Variants in SRBD1 observed in about 807,000 individuals in gnomAD.
The protein encoded by SRBD1 is S1 RNA-binding domain-containing protein 1.
Under a neutral mutation model 115.3 loss-of-function variants are expected in SRBD1, and 88 were observed. The observed-to-expected ratio is 0.76, with a 90% CI of 0.64 to 0.91. The LOEUF (loss-of-function observed/expected upper bound fraction) is 0.91, where lower values mean the gene tolerates loss of function less well. SRBD1 is among the 40% of genes least tolerant of loss of function. SRBD1 has a pLI of 0.00. For synonymous variants in SRBD1, 509 were observed against 407.7 expected (o/e 1.25, Z -2.99); for missense variants, 1,385 against 1,177.4 (o/e 1.18, Z -2.58).
At chr2:45,522,394 T>C (rs1671313715) in intron 14 of SRBD1, among the ~76,000 whole-genome samples, 1 of 152,126 alleles carries the variant, frequency 6.6e-6, no homozygotes, top group Admixed American at 6.6e-5. Flanking sequence ...CGAGAGCTAA[T>C]CTAGAGCTCC....
In SRBD1 at chr2:45,547,533, C is replaced by T. The variant is rs749966768; in HGVS notation, c.1755G>A (p.Leu585=). 34 of 1,613,504 alleles carry T rather than the reference C, an allele frequency of 2.1e-5. No homozygotes were observed. The South Asian group carries it at 3.7e-4, about 18-fold the overall frequency. The change falls in exon 13 of 21, where the codon TTG becomes TTA. Residue 585 remains leucine (L), a synonymous_variant. Coordinates refer to ENST00000263736, the MANE Select transcript of SRBD1 (RefSeq NM_018079.5). ...FREAEKIKTL[L]LNFNCSTVVI... ...ACTTATTTTCATACTTGAAATTCAGCAAAAGTGTCTTTATTTTCTCCGCCT... is the reference window on the plus strand; with the variant it reads ...ACTTATTTTCATACTTGAAATTCAGTAAAAGTGTCTTTATTTTCTCCGCCT...
At chr2:45,586,369 A>G (rs1572809892) in intron 4 of SRBD1, among the ~76,000 whole-genome samples, 1 of 152,298 alleles carries the variant, frequency 6.6e-6, no homozygotes, top group East Asian at 1.9e-4. Context: ...ACTAAATACC[A>G]TGCAAGCATT....
At chr2:45,526,031 C>T (rs115056453) in intron 14 of SRBD1, among the ~76,000 whole-genome samples, 102 of 152,056 alleles carry the variant, frequency 6.7e-4, no homozygotes, top group African/African-American at 2.2e-3. Context: ...CAGAAGAGTG[C>T]CACCACTTTG....
chr2:45,405,028 T>C (rs1478265313), intron 19 of SRBD1, among the ~76,000 whole-genome samples: 2 of 152,176 alleles, frequency 1.3e-5, no homozygotes, highest in Non-Finnish European at 2.9e-5. Context: ...CTGCGATGAC[T>C]ACCCTACTTA....
chr2:45,414,693 C>T (rs1008966839), intron 18 of SRBD1, among the ~76,000 whole-genome samples: 1 of 145,596 alleles, frequency 6.9e-6, no homozygotes, highest in East Asian at 2.0e-4. Context: ...TATACACACA[C>T]ACATAGTGTG....
chr2:45,541,304 G>A (rs549940310), intron 14 of SRBD1, among the ~76,000 whole-genome samples: 2 of 152,208 alleles, frequency 1.3e-5, no homozygotes, highest in African/African-American at 2.4e-5. Flanking sequence ...TCCCAAAGAG[G>A]GTGCCATAGC....
At chr2:45,491,436 TG>T (rs1670288606) in intron 14 of SRBD1, among the ~76,000 whole-genome samples, 1 of 152,318 alleles carries the variant, frequency 6.6e-6, no homozygotes, top group East Asian at 1.9e-4. Context: ...ATTTATCATC[TG>T]GGGGGATTTT....
intron 10 of SRBD1, among the ~76,000 whole-genome samples, chr2:45,557,584 G>C (rs1192027545): frequency 6.6e-6 from 1 of 152,156 alleles, no homozygotes; most frequent in Non-Finnish European, 1.5e-5. Flanking sequence ...ACTAGACCCA[G>C]CCCTGAAAGA....
chr2:45,425,770 G>A (rs1445258694), intron 16 of SRBD1, among the ~76,000 whole-genome samples: 2 of 152,096 alleles, frequency 1.3e-5, no homozygotes, highest in Non-Finnish European at 2.9e-5. Context: ...AGCTGTGAGG[G>A]ACCGTGCTGT....
At position 45,427,704 on chromosome 2, in the gene SRBD1, G is replaced by A. The variant is rs566429321; in HGVS notation, c.2050-7810C>T. ...CAATATCCCTGATGAACATCAATGC[G>A]AAAATCCTGAATAAAATACTGGCAA... On this transcript the variant is annotated intron_variant, in intron 16 of 20. Transcript: ENST00000263736. Among the ~76,000 whole-genome samples the A allele has an allele frequency of 2.1e-3, 313 of 152,174 alleles. 1 individual carries two copies. Among genetic ancestry groups the A allele is most frequent in the African/African-American group, 7.4e-3 (307 of 41,506 alleles).
intron 14 of SRBD1, among the ~76,000 whole-genome samples, chr2:45,544,563 T>C (rs1290552328): frequency 1.3e-5 from 2 of 152,296 alleles, no homozygotes; most frequent in Non-Finnish European, 2.9e-5. Flanking sequence ...CTAATTCATA[T>C]CCATTAATAA....
At chr2:45,515,825 T>C (rs1312901303) in intron 14 of SRBD1, among the ~76,000 whole-genome samples, 1 of 152,226 alleles carries the variant, frequency 6.6e-6, no homozygotes, top group African/African-American at 2.4e-5. Context: ...AAGTTATCTC[T>C]ATACAGAAAG....
At chr2:45,528,731 G>A (rs1671525485) in intron 14 of SRBD1, among the ~76,000 whole-genome samples, 1 of 151,848 alleles carries the variant, frequency 6.6e-6, no homozygotes, top group South Asian at 2.1e-4. Flanking sequence ...AGACAAAGCG[G>A]GTGAGGAAAA....
intron 19 of SRBD1, among the ~76,000 whole-genome samples, chr2:45,411,936 C>G (rs1215089230): frequency 6.6e-6 from 1 of 152,046 alleles, no homozygotes; most frequent in Non-Finnish European, 1.5e-5. Context: ...TACAGCGAAA[C>G]TCTATCTCTA....
rs554447150 is a variant in SRBD1, at chr2:45,562,267, G to C, written c.1409+386C>G. On this transcript the variant is annotated intron_variant, in intron 10 of 20. Coordinates refer to ENST00000263736, the MANE Select transcript of SRBD1 (RefSeq NM_018079.5). ...TCTTGAGATGGAGTCTTGCTCTGTC[G>C]CCCAGGCTGGAGTGCAGTGGTGTGA... Among the ~76,000 whole-genome samples the C allele has an allele frequency of 3.3e-5, 5 of 152,094 alleles. No homozygotes were observed. In the East Asian group the frequency reaches 9.7e-4, roughly 29 times the overall value.
At chr2:45,451,123 CA>C (rs1668978934) in intron 16 of SRBD1, among the ~76,000 whole-genome samples, 1 of 152,006 alleles carries the variant, frequency 6.6e-6, no homozygotes, top group Non-Finnish European at 1.5e-5. Flanking sequence ...ATTCAAGCTA[CA>C]AATGACAGAA....
chr2:45,440,369 T>C (rs142671012), intron 16 of SRBD1, among the ~76,000 whole-genome samples: 5 of 152,210 alleles, frequency 3.3e-5, no homozygotes, highest in Non-Finnish European at 7.4e-5. Context: ...GGACGAATGA[T>C]AGGGCAATAC....
At chr2:45,542,118 C>T (rs1572753606) in intron 14 of SRBD1, among the ~76,000 whole-genome samples, 2 of 152,364 alleles carry the variant, frequency 1.3e-5, no homozygotes, top group African/African-American at 4.8e-5. Flanking sequence ...CTGTGCCAAG[C>T]TGCCCTTAGC....
intron 14 of SRBD1, among the ~76,000 whole-genome samples, chr2:45,502,680 G>A (rs562615600): frequency 5.3e-5 from 8 of 151,280 alleles, no homozygotes; most frequent in Admixed American, 3.3e-4. Context: ...GGGGCCTGTC[G>A]TGGGGTGGGG....
Sources: gnomAD v4.1 joint callset for allele counts (sites outside exome capture counted in the v4.1 genomes callset) on GRCh38, gnomAD v4.1.1 for gene constraint, MANE v1.5 for transcripts, NCBI Gene and HGNC (gene_info 2026-07-23, HGNC 2026-07-21) for gene names.